ANGPT2: variants seen among roughly 807,000 people sequenced by gnomAD.
The protein encoded by ANGPT2 is angiopoietin 2, also known as angiopoietin-2.
In ANGPT2, 28 loss-of-function variants were observed where a neutral mutation model predicts 62.9. The observed-to-expected ratio is 0.44, with a 90% CI of 0.33 to 0.61. The LOEUF (loss-of-function observed/expected upper bound fraction) is 0.61. Ranked by LOEUF, ANGPT2 falls within the 20% of genes least tolerant of loss-of-function variation. The pLI is 0.03. For synonymous variants in ANGPT2, 284 were observed against 207.8 expected (o/e 1.37, Z -3.15); for missense variants, 727 against 594.9 (o/e 1.22, Z -2.31).
chr8:6,503,310 C>G, intron 8 of ANGPT2, 49 bp from the exon 9 acceptor site: 3 of 1,603,676 alleles, frequency 1.9e-6, no homozygotes, highest in Non-Finnish European at 2.6e-6. Flanking sequence ...GATGCCAGCT[C>G]CCACCACGAA....
chr8:6,502,437 A>G lies in ANGPT2; in HGVS notation c.*664T>C, dbSNP rs1812368709. The stretch of plus-strand genomic sequence containing the variant: ...GAGATTCTGGAAGTTTCTACCATAT[A>G]AATTTGAAATACGTATTTGAGCATT... On this transcript the variant is annotated 3_prime_UTR_variant, in exon 9 of 9. Coordinates refer to ENST00000629816, the MANE Select transcript of ANGPT2 (RefSeq NM_001118887.2). 6.6e-6 allele frequency: 1 copy of G among 152,232 alleles called. No individual in the cohort carries two copies. Among genetic ancestry groups the G allele is most frequent in the Non-Finnish European group, 1.5e-5 (1 of 68,042 alleles). The allele number at this position is 152,232 out of a possible 1,614,324, so 9.4% of individuals were successfully genotyped here.
At chr8:6,508,563 G>A (rs1279864156) in intron 8 of ANGPT2, 10 of 404,148 alleles carry the variant, frequency 2.5e-5, no homozygotes, top group Non-Finnish European at 3.9e-5. Flanking sequence ...CTATATTACT[G>A]TTGTGGTTGC....
Position 6,521,250 on chromosome 8 carries a change from C to G in ANGPT2, c.727G>C (p.Val243Leu), listed in dbSNP as rs141459733. ...AGATCATGTTGCTGCTTCTGAAGAA[C>G]TGAATTATTCACCGTGGCAGTCACT... ...KIVTATVNNS[V>L]LQKQQHDLME... Residue 243 changes from valine to leucine, a missense_variant, in exon 4 of 9, where the codon GTT becomes CTT. Val to Leu is a conservative substitution (Grantham distance 32). Transcript: ENST00000629816. 17 of 1,613,810 alleles carry G rather than the reference C, an allele frequency of 1.1e-5. No individual in the cohort carries two copies. Among genetic ancestry groups the G allele is most frequent in the Non-Finnish European group, 1.4e-5 (17 of 1,179,950 alleles).
chr8:6,509,201 A>G, intron 7 of ANGPT2, 139 bp from the exon 8 acceptor site: 1 of 1,130,224 alleles, frequency 8.8e-7, no homozygotes, highest in Non-Finnish European at 1.2e-6. Context: ...CTCTGGACAA[A>G]ATATTTTGCA....
chr8:6,530,181 T>G (rs1027367446), intron 2 of ANGPT2, among the ~76,000 whole-genome samples: 1 of 152,110 alleles, frequency 6.6e-6, no homozygotes, highest in Non-Finnish European at 1.5e-5. Context: ...TCATTACTAA[T>G]TTATTTTAAT....
intron 1 of ANGPT2, among the ~76,000 whole-genome samples, chr8:6,557,226 A>G (rs1054510436): frequency 2.0e-5 from 3 of 152,110 alleles, no homozygotes; most frequent in South Asian, 2.1e-4. Context: ...CCGCTGGGCA[A>G]TCCATACAAG....
intron 1 of ANGPT2, among the ~76,000 whole-genome samples, chr8:6,555,449 C>T (rs1021193773): frequency 2.0e-5 from 3 of 148,284 alleles, no homozygotes; most frequent in Non-Finnish European, 3.0e-5. Context: ...ATTTGTTTTA[C>T]GGGGGGTGGT....
chr8:6,531,932 C>T (rs1450698573), intron 2 of ANGPT2, among the ~76,000 whole-genome samples: 2 of 152,134 alleles, frequency 1.3e-5, no homozygotes, highest in African/African-American at 2.4e-5. Flanking sequence ...GATTTAAGGC[C>T]AGAGTTTCTA....
chr8:6,562,572 G>GTTTTTTTT (rs1491167455), intron 1 of ANGPT2, 75 bp downstream of exon 1: 1 of 41,652 alleles, frequency 2.4e-5, no homozygotes, highest in African/African-American at 1.8e-4. Flanking sequence ...TTTTTTTTTT[G>GTTTTTTTT]GTTGTTAAAA....
chr8:6,563,026 G>T lies in ANGPT2; in HGVS notation c.-92C>A. The stretch of plus-strand genomic sequence containing the variant: ...CTGCTGCCGTCTAAAACGCAGGGCT[G>T]CTACGCTGCCATGGCTGGGTCCGTC... On this transcript the variant is annotated 5_prime_UTR_variant, in exon 1 of 9. Transcript: ENST00000629816. 1.4e-6 allele frequency: 2 copies of T among 1,384,058 alleles called. No homozygotes were observed. Among genetic ancestry groups the T allele is most frequent in the Non-Finnish European group, 1.9e-6 (2 of 1,027,702 alleles). 85.7% of individuals were successfully genotyped at this position (1,384,058 alleles called of 1,614,324 possible).
At chr8:6,558,981 G>C (rs1345826675) in intron 1 of ANGPT2, among the ~76,000 whole-genome samples, 1 of 151,928 alleles carries the variant, frequency 6.6e-6, no homozygotes, top group Non-Finnish European at 1.5e-5. Context: ...TAGTGAAACT[G>C]TCTCTTCTAC....
chr8:6,506,582 G>A (rs755503955), intron 8 of ANGPT2, among the ~76,000 whole-genome samples: 1 of 152,128 alleles, frequency 6.6e-6, no homozygotes, highest in Non-Finnish European at 1.5e-5. Flanking sequence ...CAAAGTCCTA[G>A]GTGTCTGTGG....
intron 1 of ANGPT2, among the ~76,000 whole-genome samples, chr8:6,534,140 G>A (rs1024085457): frequency 8.5e-5 from 13 of 152,062 alleles, no homozygotes; most frequent in African/African-American, 3.1e-4. Context: ...ATGCATGAGA[G>A]GCACAGTCAG....
Position 6,500,131 on chromosome 8 carries a change from A to G in ANGPT2, c.*2970T>C. ...AACGTGAGACCATTGTGCAAAAAGT[A>G]GTGAGGAATGCAGTCCAAAGAAAAT... On this transcript the variant is annotated 3_prime_UTR_variant, in exon 9 of 9. Coordinates refer to ENST00000629816, the MANE Select transcript of ANGPT2 (RefSeq NM_001118887.2). 1 of 580,474 alleles carries G rather than the reference A, an allele frequency of 1.7e-6. No homozygotes were observed. The highest frequency in any genetic ancestry group is 3.1e-6 in the Non-Finnish European group (1 of 322,858). 36.0% of individuals were successfully genotyped at this position (580,474 alleles called of 1,614,324 possible). A position where few individuals can be genotyped will look rare whatever the true frequency, so the allele number is the denominator to read the frequency against.
intron 1 of ANGPT2, among the ~76,000 whole-genome samples, chr8:6,560,062 A>T (rs1825290705): frequency 6.6e-6 from 1 of 152,190 alleles, no homozygotes. Context: ...CAGAGGTTGA[A>T]CTACTATTTA....
chr8:6,511,378 C>T (rs1424101619), intron 7 of ANGPT2, among the ~76,000 whole-genome samples: 1 of 151,832 alleles, frequency 6.6e-6, no homozygotes, highest in Non-Finnish European at 1.5e-5. Flanking sequence ...ACAATTAAAC[C>T]TCAGTGTTAT....
At chr8:6,529,496 G>A (rs1416676036) in intron 2 of ANGPT2, among the ~76,000 whole-genome samples, 2 of 149,676 alleles carry the variant, frequency 1.3e-5, no homozygotes, top group African/African-American at 4.9e-5. Context: ...CTGTTGCCCA[G>A]GCTGCAGTGC....
At chr8:6,543,297 C>T (rs999430142) in intron 1 of ANGPT2, among the ~76,000 whole-genome samples, 10 of 152,164 alleles carry the variant, frequency 6.6e-5, no homozygotes, top group Admixed American at 2.0e-4. Context: ...ACTGACCCGC[C>T]GTCCGCAAAT....
intron 7 of ANGPT2, among the ~76,000 whole-genome samples, chr8:6,513,028 C>T (rs7013006): frequency 3.9e-5 from 6 of 152,190 alleles, no homozygotes; most frequent in African/African-American, 7.2e-5. Context: ...AAGTATCCAT[C>T]ATTTATGCTA....
Sources: allele counts gnomAD v4.1 joint callset (sites outside exome capture counted in the v4.1 genomes callset), GRCh38; gene constraint gnomAD v4.1.1; transcripts MANE v1.5; gene names NCBI Gene and HGNC (gene_info 2026-07-23, HGNC 2026-07-21).